FARSB: variants seen among roughly 807,000 people sequenced by gnomAD.
FARSB encodes phenylalanine--tRNA ligase beta subunit.
In FARSB, 40 loss-of-function variants were observed where a neutral mutation model predicts 69.6. The observed-to-expected ratio is 0.57, with a 90% CI of 0.45 to 0.75. The LOEUF (loss-of-function observed/expected upper bound fraction) is 0.75, where lower values mean the gene tolerates loss of function less well. Ranked by LOEUF, FARSB falls within the 30% of genes least tolerant of loss-of-function variation. The pLI, the probability that FARSB is intolerant of heterozygous loss-of-function variation, is 0.00. For synonymous variants in FARSB, 235 were observed against 247.2 expected (o/e 0.95, Z 0.46); for missense variants, 632 against 722.9 (o/e 0.87, Z 1.44).
intron 5 of FARSB, among the ~76,000 whole-genome samples, chr2:222,636,065 G>A (rs529037659): frequency 2.1e-4 from 32 of 149,598 alleles, no homozygotes; most frequent in African/African-American, 7.1e-4. Flanking sequence ...GGGCAACAAG[G>A]TGAGACTCTG....
At chr2:222,585,456 AC>A (rs1690087581) in intron 16 of FARSB, among the ~76,000 whole-genome samples, 1 of 152,212 alleles carries the variant, frequency 6.6e-6, no homozygotes, top group African/African-American at 2.4e-5. Context: ...AAATCAGAGC[AC>A]CTCTTCTCTT....
chr2:222,633,063 A>C (rs1691477153), intron 7 of FARSB, 136 bp downstream of exon 7: 1 of 620,832 alleles, frequency 1.6e-6, no homozygotes. Context: ...GAATGATTAG[A>C]ATCTACAAAA....
intron 15 of FARSB, among the ~76,000 whole-genome samples, chr2:222,603,078 A>G (rs1022065691): frequency 1.5e-4 from 23 of 152,360 alleles, no homozygotes; most frequent in Middle Eastern, 6.8e-3. Context: ...ACTGAAAGTC[A>G]GCAGTCATCA....
chr2:222,638,046 A>G (rs989669908), intron 5 of FARSB, among the ~76,000 whole-genome samples: 2 of 152,084 alleles, frequency 1.3e-5, no homozygotes, highest in South Asian at 2.1e-4. Context: ...TGATCAAAGG[A>G]AAAAAAAGAG....
At chr2:222,604,072 G>T (rs1690638503) in intron 15 of FARSB, among the ~76,000 whole-genome samples, 1 of 151,916 alleles carries the variant, frequency 6.6e-6, no homozygotes, top group African/African-American at 2.4e-5. Flanking sequence ...AAAAAAATTG[G>T]CCAGGCATGG....
intron 1 of FARSB, among the ~76,000 whole-genome samples, chr2:222,649,267 CA>C (rs1246600723): frequency 7.2e-6 from 1 of 138,988 alleles, no homozygotes; most frequent in East Asian, 2.0e-4. Flanking sequence ...AAAGCTGGGC[CA>C]AAAAAATTTA....
At position 222,570,521 on chromosome 2, in the gene FARSB, A is replaced by G. The variant is rs911546958; in HGVS notation, c.*1350T>C. The G allele has an allele frequency of 6.0e-5, 9 of 150,224 alleles. No homozygotes were observed. Among genetic ancestry groups the G allele is most frequent in the East Asian group, 1.9e-4 (1 of 5,162 alleles). 9.3% of individuals were successfully genotyped at this position (150,224 alleles called of 1,614,324 possible). A position where few individuals can be genotyped will look rare whatever the true frequency, so the allele number is the denominator to read the frequency against. On this transcript the variant is annotated 3_prime_UTR_variant, in exon 17 of 17. Transcript: ENST00000281828. Reference sequence around the variant, plus strand: ...TCTTATTTCACTATCTTTGTTAGCTACTTCTTCTTTTTTTTTTTTGTAGAC... The same window carrying G: ...TCTTATTTCACTATCTTTGTTAGCTGCTTCTTCTTTTTTTTTTTTGTAGAC...
intron 7 of FARSB, among the ~76,000 whole-genome samples, chr2:222,632,929 C>T (rs1393280989): frequency 1.3e-5 from 2 of 150,882 alleles, no homozygotes; most frequent in Admixed American, 1.3e-4. Flanking sequence ...AAAACCAAAA[C>T]ATCAATAACC....
In FARSB at chr2:222,577,706, T is replaced by C. The variant is rs115257619; in HGVS notation, c.1619-5684A>G. On this transcript the variant is annotated intron_variant, in intron 16 of 16. Coordinates refer to ENST00000281828, the MANE Select transcript of FARSB (RefSeq NM_005687.5). The stretch of plus-strand genomic sequence containing the variant: ...CTTTTAACAATTACCACAATCTCCT[T>C]GTGACTAAATATTTAGAATCGTAAC... 4.4e-3 allele frequency among the ~76,000 whole-genome samples: 670 copies of C among 152,340 alleles called. 4 individuals carry two copies. Among genetic ancestry groups the C allele is most frequent in the Non-Finnish European group, 7.2e-3 (489 of 68,028 alleles).
Position 222,571,709 on chromosome 2 carries a change from T to C in FARSB, c.*162A>G, listed in dbSNP as rs3211018. On this transcript the variant is annotated 3_prime_UTR_variant, in exon 17 of 17. Coordinates refer to ENST00000281828, the MANE Select transcript of FARSB (RefSeq NM_005687.5). Reference sequence around the variant, plus strand: ...TGGTATATGGCACAAGCTGGCCTAATATGCAGGGAAAGGATGGTCTCTACC... The same window carrying C: ...TGGTATATGGCACAAGCTGGCCTAACATGCAGGGAAAGGATGGTCTCTACC... The C allele has an allele frequency of 0.34, 204,592 of 610,690 alleles. 36,122 individuals carry two copies. Among genetic ancestry groups the C allele is most frequent in the Non-Finnish European group, 0.37 (131,163 of 352,636 alleles). The allele number at this position is 610,690 out of a possible 1,614,324, so 37.8% of individuals were successfully genotyped here.
Position 222,605,161 on chromosome 2 carries a change from T to TTCTCTCTCTCTCTCTCTCTCTCTC in FARSB, c.1463-5102_1463-5079dup, listed in dbSNP as rs71053093. Among the ~76,000 whole-genome samples the TTCTCTCTCTCTCTCTCTCTCTCTC allele has an allele frequency of 4.9e-3, 655 of 132,698 alleles. 20 individuals carry two copies. The highest frequency in any genetic ancestry group is 0.014 in the African/African-American group (470 of 33,516). The allele number at this position is 132,698 out of a possible 152,430, so 87.1% of individuals were successfully genotyped here. Reference sequence around the variant, plus strand: ...TGATTCCACTGTAGGAATACAAACTTTCTCTCTCTCTCTCTCTCTCTCTCT... The same window carrying TTCTCTCTCTCTCTCTCTCTCTCTC: ...TGATTCCACTGTAGGAATACAAACTTTCTCTCTCTCTCTCTCTCTCTCTCTCTCTCTCTCTCTCTCTCTCTCTCT... On this transcript the variant is annotated intron_variant, in intron 15 of 16. Coordinates refer to ENST00000281828, the MANE Select transcript of FARSB (RefSeq NM_005687.5).
chr2:222,625,885 C>T (rs1346188129), intron 10 of FARSB, among the ~76,000 whole-genome samples: 1 of 152,094 alleles, frequency 6.6e-6, no homozygotes, highest in Non-Finnish European at 1.5e-5. Context: ...ATGCCCAGTG[C>T]TTATTATCTG....
At chr2:222,614,186 A>G (rs1210106141) in intron 14 of FARSB, among the ~76,000 whole-genome samples, 3 of 152,220 alleles carry the variant, frequency 2.0e-5, no homozygotes, top group Admixed American at 6.5e-5. Context: ...TAAACGAGAA[A>G]CAAATACAAC....
rs33937937 is a variant in FARSB at position 222,594,093 on chromosome 2, C to CAAAA, written c.1618+5831_1618+5834dup. Among the ~76,000 whole-genome samples the CAAAA allele has an allele frequency of 1.0e-3, 52 of 51,568 alleles. 10 individuals carry two copies. Among genetic ancestry groups the CAAAA allele is most frequent in the African/African-American group, 3.6e-3 (35 of 9,784 alleles). The allele number at this position is 51,568 out of a possible 152,430, so 33.8% of individuals were successfully genotyped here. ...GTGACAAGGCAAAAACCCGCCTCTA[C>CAAAA]AAAAAAAAAAAAAAAAAAAAAAAAA... On this transcript the variant is annotated intron_variant, in intron 16 of 16. Coordinates refer to ENST00000281828, the MANE Select transcript of FARSB (RefSeq NM_005687.5).
intron 8 of FARSB, among the ~76,000 whole-genome samples, chr2:222,631,393 A>G (rs1413055725): frequency 6.6e-6 from 1 of 152,210 alleles, no homozygotes; most frequent in Non-Finnish European, 1.5e-5. Context: ...GGCACTGGAA[A>G]GACATTTGGT....
chr2:222,637,225 A>T (rs1248534665), intron 5 of FARSB, among the ~76,000 whole-genome samples: 1 of 152,178 alleles, frequency 6.6e-6, no homozygotes, highest in African/African-American at 2.4e-5. Context: ...ACAGCAGGCA[A>T]TAAAGGGCAG....
At chr2:222,576,793 C>T (rs1689850683) in intron 16 of FARSB, among the ~76,000 whole-genome samples, 1 of 152,180 alleles carries the variant, frequency 6.6e-6, no homozygotes, top group East Asian at 1.9e-4. Flanking sequence ...CTCCTGGTTT[C>T]CCACTAGTTT....
At position 222,613,727 on chromosome 2, in the gene FARSB, T is replaced by G. The variant is rs76289126; in HGVS notation, c.1462+84A>C. On this transcript the variant is annotated intron_variant, in intron 15 of 16. Coordinates refer to ENST00000281828, the MANE Select transcript of FARSB (RefSeq NM_005687.5). ...CATAGGGGCTAATTATACTATTTTTTCTGCTTTTATGTATAGTTAAGGTTT... is the reference window on the plus strand; with the variant it reads ...CATAGGGGCTAATTATACTATTTTTGCTGCTTTTATGTATAGTTAAGGTTT... 2.4e-3 allele frequency: 2,058 copies of G among 842,464 alleles called. 31 individuals are homozygous for G. In the African/African-American group the frequency reaches 0.031, roughly 13 times the overall value. 52.2% of individuals were successfully genotyped at this position (842,464 alleles called of 1,614,324 possible).
At chr2:222,625,848 TA>T (rs1337773945) in intron 10 of FARSB, among the ~76,000 whole-genome samples, 1 of 152,202 alleles carries the variant, frequency 6.6e-6, no homozygotes, top group African/African-American at 2.4e-5. Flanking sequence ...GTCAGAATAG[TA>T]AACTGCCAAG....
Sources: gnomAD v4.1 joint callset for allele counts (sites outside exome capture counted in the v4.1 genomes callset) on GRCh38, gnomAD v4.1.1 for gene constraint, MANE v1.5 for transcripts, NCBI Gene and HGNC (gene_info 2026-07-23, HGNC 2026-07-21) for gene names.